VOPP1: variants seen among roughly 807,000 people sequenced by gnomAD.
The protein encoded by VOPP1 is WW domain binding protein VOPP1.
Under a neutral mutation model 23.5 loss-of-function variants are expected in VOPP1, and 8 were observed. The ratio of observed to expected loss-of-function variants is 0.34; its 90% CI spans 0.20 to 0.61. VOPP1 has a LOEUF of 0.61. VOPP1 is among the 20% of genes least tolerant of loss of function. The probability of loss-of-function intolerance (pLI) is 0.78; values close to 1 mark genes in which losing one functional copy is unlikely to be tolerated. For missense variants in VOPP1, 174 were observed against 238.1 expected (o/e 0.73, Z 1.77); for synonymous variants, 83 against 97.3 (o/e 0.85, Z 0.86).
chr7:55,488,800 CTCTGCTGAAAAT>C (rs1212715447), intron 4 of VOPP1, among the ~76,000 whole-genome samples: 3 of 152,218 alleles, frequency 2.0e-5, no homozygotes, highest in Non-Finnish European at 4.4e-5. Flanking sequence ...AAAAATGGGG[CTCTGCTGAAAAT>C]TCACTAACAC....
At chr7:55,436,455 G>T (rs1245993814) in intron 4 of VOPP1, among the ~76,000 whole-genome samples, 1 of 152,162 alleles carries the variant, frequency 6.6e-6, no homozygotes, top group South Asian at 2.1e-4. Context: ...TGAAGGTGCC[G>T]GTGATTGGCT....
chr7:55,562,025 C>A (rs2129056344), intron 1 of VOPP1: 1 of 703,542 alleles, frequency 1.4e-6, no homozygotes, highest in East Asian at 2.7e-5. Flanking sequence ...TTCTGATCCT[C>A]ATCTATGCAT....
chr7:55,498,030 C>T (rs1794098419), intron 2 of VOPP1, among the ~76,000 whole-genome samples: 1 of 152,210 alleles, frequency 6.6e-6, no homozygotes. Context: ...GAGGAGGCTC[C>T]ACAGGAGCCC....
intron 1 of VOPP1, among the ~76,000 whole-genome samples, chr7:55,567,864 T>C (rs993008052): frequency 2.6e-5 from 4 of 152,164 alleles, no homozygotes; most frequent in Admixed American, 6.5e-5. Context: ...TTTCAGGAAA[T>C]TGGCAGCCAG....
chr7:55,558,362 A>G (rs1797878233), intron 1 of VOPP1, among the ~76,000 whole-genome samples: 1 of 152,228 alleles, frequency 6.6e-6, no homozygotes, highest in Admixed American at 6.5e-5. Context: ...TATGTCAAAA[A>G]AAATTAAATA....
chr7:55,539,032 A>T (rs1018089133), intron 1 of VOPP1, among the ~76,000 whole-genome samples: 1 of 105,484 alleles, frequency 9.5e-6, no homozygotes, highest in East Asian at 3.5e-4. Context: ...TCATTCCTTT[A>T]AAAAAAAAGG....
At chr7:55,482,482 A>ATTTTT (rs71031859) in intron 4 of VOPP1, among the ~76,000 whole-genome samples, 33 of 132,806 alleles carry the variant, frequency 2.5e-4, no homozygotes, top group African/African-American at 7.6e-4. Context: ...CACCTGGCTA[A>ATTTTT]TTTTTTTTTT....
intron 4 of VOPP1, among the ~76,000 whole-genome samples, chr7:55,436,641 CGTGCGTGGGTGTGTGTGCGTGT>C (rs1440227940): frequency 2.2e-5 from 3 of 135,506 alleles, no homozygotes; most frequent in Non-Finnish European, 5.0e-5. Flanking sequence ...CGTGTGTGTG[CGTGCGTGGGTGTGTGTGCGTGT>C]GTGCGTGCGT....
Position 55,521,651 on chromosome 7 carries a change from G to C in VOPP1, c.55-521C>G. 4.1e-6 allele frequency: 4 copies of C among 987,502 alleles called. No homozygotes were observed. In the South Asian group the frequency reaches 1.4e-4, roughly 34 times the overall value. 61.2% of individuals were successfully genotyped at this position (987,502 alleles called of 1,614,324 possible). On this transcript the variant is annotated intron_variant, in intron 1 of 4. Coordinates refer to ENST00000285279, the MANE Select transcript of VOPP1 (RefSeq NM_030796.5). ...GTGCAGGAAGAGAAAGAAGGAACAA[G>C]GAAAGACAATGGGAGCCTCTCCTGG... is the stretch of plus-strand genomic sequence containing the variant.
intron 2 of VOPP1, among the ~76,000 whole-genome samples, chr7:55,501,301 T>C (rs1794350577): frequency 6.6e-6 from 1 of 152,154 alleles, no homozygotes; most frequent in Non-Finnish European, 1.5e-5. Flanking sequence ...CCCACAACAT[T>C]AGCTGTTTTC....
At chr7:55,555,612 C>G (rs1274960797) in intron 1 of VOPP1, among the ~76,000 whole-genome samples, 1 of 152,126 alleles carries the variant, frequency 6.6e-6, no homozygotes, top group Admixed American at 6.5e-5. Flanking sequence ...TCTAAGCAGC[C>G]CTTCTCCTTT....
At chr7:55,537,646 C>T (rs1463206592) in intron 1 of VOPP1, 69 of 1,517,500 alleles carry the variant, frequency 4.5e-5, no homozygotes, top group East Asian at 1.7e-4. Context: ...AAAGCTCTGG[C>T]GCCCGCAGAC....
At chr7:55,497,576 C>A in intron 3 of VOPP1, 37 bp downstream of exon 3, 2 of 1,372,556 alleles carry the variant, frequency 1.5e-6, no homozygotes, top group Non-Finnish European at 2.0e-6. Context: ...GGGGGCAGAG[C>A]TCTCGGGGTA....
At chr7:55,503,830 A>T (rs1458671571) in intron 2 of VOPP1, among the ~76,000 whole-genome samples, 1 of 152,200 alleles carries the variant, frequency 6.6e-6, no homozygotes, top group Non-Finnish European at 1.5e-5. Context: ...TTGGTCTTGG[A>T]CTTCCAGCCT....
Position 55,555,931 on chromosome 7 carries a change from C to T in VOPP1, c.54+16340G>A, listed in dbSNP as rs999291319. ...TAAACGAATGAATAACCCCAATAGC[C>T]ATCAGCAAAACTCACTTGTTTTCTT... On this transcript the variant is annotated intron_variant, in intron 1 of 4. Transcript: ENST00000285279. Among the ~76,000 whole-genome samples, 13 of 152,294 alleles carry T rather than the reference C, an allele frequency of 8.5e-5. No individual in the cohort carries two copies. In the East Asian group the frequency reaches 2.5e-3, roughly 29 times the overall value.
chr7:55,506,533 C>T (rs1409939965), intron 2 of VOPP1, among the ~76,000 whole-genome samples: 1 of 151,288 alleles, frequency 6.6e-6, no homozygotes, highest in Non-Finnish European at 1.5e-5. Flanking sequence ...GACGGGGTTT[C>T]GCCATGTTGG....
chr7:55,541,806 G>A (rs951805789), intron 1 of VOPP1, among the ~76,000 whole-genome samples: 2 of 152,144 alleles, frequency 1.3e-5, no homozygotes, highest in African/African-American at 4.8e-5. Context: ...AGAGAAGCCC[G>A]TCCTAAGGGA....
chr7:55,562,125 C>T (rs1798011483), intron 1 of VOPP1: 2 of 699,720 alleles, frequency 2.9e-6, no homozygotes, highest in African/African-American at 1.7e-5. Context: ...TTCTAATGTA[C>T]AGCCAACGCT....
At chr7:55,437,355 G>A (rs1790857707) in intron 4 of VOPP1, among the ~76,000 whole-genome samples, 1 of 152,208 alleles carries the variant, frequency 6.6e-6, no homozygotes, top group African/African-American at 2.4e-5. Context: ...CCAGAAAGAT[G>A]TCTTTCATCT....
Sources: gnomAD v4.1 joint callset for allele counts (sites outside exome capture counted in the v4.1 genomes callset) on GRCh38, gnomAD v4.1.1 for gene constraint, MANE v1.5 for transcripts, NCBI Gene and HGNC (gene_info 2026-07-23, HGNC 2026-07-21) for gene names.